ZNF560: variants seen among roughly 807,000 people sequenced by gnomAD.
ZNF560 encodes the protein zinc finger protein 560.
Under a neutral mutation model 81.8 loss-of-function variants are expected in ZNF560, and 54 were observed. The ratio of observed to expected loss-of-function variants is 0.66; its 90% CI spans 0.53 to 0.83. The LOEUF is 0.83. Among genes scored for constraint, ZNF560 ranks in the 40% least tolerant of loss-of-function variants. ZNF560 has a pLI of 0.00. For synonymous variants in ZNF560, 321 were observed against 317.9 expected (o/e 1.01, Z -0.10); for missense variants, 940 against 932.4 (o/e 1.01, Z -0.11).
chr19:9,456,610 A>G, the ZNF560 span, among the ~76,000 whole-genome samples: 81 of 152,328 alleles, frequency 5.3e-4, no homozygotes, highest in Non-Finnish European at 9.7e-4. Context: ...AGGAGTGGAC[A>G]TTTCAATCAT....
the ZNF560 span, among the ~76,000 whole-genome samples, chr19:9,447,353 G>T: frequency 5.4e-3 from 824 of 152,062 alleles, 8 homozygotes; most frequent in African/African-American, 0.019. Context: ...CACCACCAAA[G>T]GGTCACTCTC....
intron 2 of ZNF560, among the ~76,000 whole-genome samples, chr19:9,491,754 A>G (rs952103323): frequency 3.5e-5 from 4 of 115,630 alleles, no homozygotes; most frequent in African/African-American, 1.7e-4. Context: ...TGGACCTGGG[A>G]GGCAGAGGTT....
the ZNF560 span, among the ~76,000 whole-genome samples, chr19:9,452,160 A>T: frequency 6.6e-6 from 1 of 152,182 alleles, no homozygotes; most frequent in African/African-American, 2.4e-5. Context: ...CAATAAACAT[A>T]GGAAAAAATG....
At chr19:9,496,370 C>G (rs368640731) in intron 2 of ZNF560, among the ~76,000 whole-genome samples, 1 of 151,388 alleles carries the variant, frequency 6.6e-6, no homozygotes, top group Admixed American at 6.6e-5. Flanking sequence ...AAAAAAACCC[C>G]GCAAATATAT....
chr19:9,505,977 A>T, the ZNF560 span, among the ~76,000 whole-genome samples: 3 of 149,908 alleles, frequency 2.0e-5, no homozygotes, highest in East Asian at 5.9e-4. Flanking sequence ...ATTCATATTT[A>T]CTTTCTTTCT....
chr19:9,494,900 C>A (rs546246459), intron 2 of ZNF560, among the ~76,000 whole-genome samples: 1 of 151,496 alleles, frequency 6.6e-6, no homozygotes, highest in African/African-American at 2.4e-5. Context: ...AGTGAAACTC[C>A]GTCTCAAAAA....
At chr19:9,488,971 T>A (rs2073427541) in intron 2 of ZNF560, among the ~76,000 whole-genome samples, 1 of 152,186 alleles carries the variant, frequency 6.6e-6, no homozygotes, top group Non-Finnish European at 1.5e-5. Flanking sequence ...CCATATAAGA[T>A]GTACCTACTC....
At chr19:9,459,942 C>T in the ZNF560 span, among the ~76,000 whole-genome samples, 1 of 152,106 alleles carries the variant, frequency 6.6e-6, no homozygotes. Context: ...GACTCTTTTA[C>T]ATTATGTCAG....
the ZNF560 span, among the ~76,000 whole-genome samples, chr19:9,449,157 A>T: frequency 6.6e-6 from 1 of 152,214 alleles, no homozygotes; most frequent in Non-Finnish European, 1.5e-5. Context: ...GACTTAATAG[A>T]TATCCACAGA....
chr19:9,447,005 G>T, the ZNF560 span, among the ~76,000 whole-genome samples: 1 of 151,830 alleles, frequency 6.6e-6, no homozygotes, highest in African/African-American at 2.4e-5. Flanking sequence ...ATGGTGGCGC[G>T]TGCCTATAGT....
Position 9,469,623 on chromosome 19 carries a change from C to T in ZNF560, c.529+7G>A. 1 of 1,613,772 alleles carries T rather than the reference C, an allele frequency of 6.2e-7. No homozygotes were observed. Among genetic ancestry groups the T allele is most frequent in the South Asian group, 1.1e-5 (1 of 91,078 alleles). ...ATGGACCAGGGTTGTTCTTCACAAA[C>T]ACTCACCTTGGAGAACTCTTGGCAG... On this transcript the variant is annotated splice_region_variant and intron_variant, in intron 8 of 9. Transcript: ENST00000301480.
intron 2 of ZNF560, among the ~76,000 whole-genome samples, chr19:9,482,864 T>A (rs1195283445): frequency 1.3e-5 from 2 of 152,160 alleles, no homozygotes; most frequent in Non-Finnish European, 2.9e-5. Context: ...GGGGTTTTGC[T>A]GTGTTGGCCG....
Position 9,468,307 on chromosome 19 carries a change from A to G in ZNF560, c.640T>C (p.Tyr214His), listed in dbSNP as rs543163561. Residue 214 changes from tyrosine to histidine, a missense_variant, in exon 10 of 10, where the codon TAT (tyrosine) becomes CAT (histidine). Coordinates refer to ENST00000301480, the MANE Select transcript of ZNF560 (RefSeq NM_152476.3). ...ACATCTTCACATTGCTTACAGTCAT[A>G]GAGTTCCTCTCCATTTTGGTTTCTT... is the stretch of plus-strand genomic sequence containing the variant. ...LARNQNGEELYDCKQCEDVFC... is the reference protein window; with the variant it reads ...LARNQNGEELHDCKQCEDVFC... The G allele has an allele frequency of 2.5e-5, 40 of 1,601,256 alleles. 1 individual carries two copies. The South Asian group carries it at 3.7e-4, about 15-fold the overall frequency.
chr19:9,471,412 TTTTTAAAA>T, intron 5 of ZNF560, 34 bp from the exon 6 acceptor site: 3 of 1,422,310 alleles, frequency 2.1e-6, no homozygotes, highest in South Asian at 2.7e-5. Flanking sequence ...GTTTTTTTTT[TTTTTAAAA>T]AAAAAGGTAA....
Position 9,473,849 on chromosome 19 carries a change from CAA to C in ZNF560, c.157+348_157+349del, listed in dbSNP as rs201737207. On this transcript the variant is annotated intron_variant, in intron 4 of 9. Transcript: ENST00000301480. ...AAGAAAAAAAAGAAAAAAAGTGAAA[CAA>C]AGAGACCCTTGTATACTTGGAGAAT... is the stretch of plus-strand genomic sequence containing the variant. 9.5e-4 allele frequency among the ~76,000 whole-genome samples: 145 copies of C among 152,162 alleles called. 2 individuals are homozygous for C. The East Asian group carries it at 0.027, about 28-fold the overall frequency.
chr19:9,497,127 CAA>C (rs936550036), intron 2 of ZNF560, among the ~76,000 whole-genome samples: 3 of 134,816 alleles, frequency 2.2e-5, no homozygotes, highest in African/African-American at 5.5e-5. Context: ...AAAAAACTCT[CAA>C]AAAAAAAAAA....
chr19:9,455,121 G>A, the ZNF560 span, among the ~76,000 whole-genome samples: 2 of 152,180 alleles, frequency 1.3e-5, no homozygotes, highest in Non-Finnish European at 2.9e-5. Flanking sequence ...GGGTAATTTA[G>A]AGGCTTGGAA....
At chr19:9,494,848 G>A (rs2144730532) in intron 2 of ZNF560, among the ~76,000 whole-genome samples, 1 of 151,868 alleles carries the variant, frequency 6.6e-6, no homozygotes, top group South Asian at 2.1e-4. Flanking sequence ...CAGAGGTTGT[G>A]GTGAGCCAAG....
At chr19:9,501,327 T>TTGTGTGTG (rs71185606), upstream of ZNF560, among the ~76,000 whole-genome samples, 450 of 109,018 alleles carry the variant, frequency 4.1e-3, 3 homozygotes, top group South Asian at 6.5e-3. Flanking sequence ...CCTGGCTACT[T>TTGTGTGTG]TGTGTGTGTG....
Sources: gnomAD v4.1 joint callset for allele counts (sites outside exome capture counted in the v4.1 genomes callset) on GRCh38, gnomAD v4.1.1 for gene constraint, MANE v1.5 for transcripts, NCBI Gene and HGNC (gene_info 2026-07-23, HGNC 2026-07-21) for gene names.